Variants in CAPS2 observed in about 807,000 individuals in gnomAD.
CAPS2 encodes the protein calcyphosin-2.
A neutral mutation model predicts 86.5 loss-of-function variants in CAPS2; 98 were observed. The ratio of observed to expected loss-of-function variants is 1.13; its 90% CI spans 0.96 to 1.34. The LOEUF is 1.34. Ranked by LOEUF, CAPS2 falls within the 40% of genes most tolerant of loss-of-function variation. CAPS2 has a pLI of 0.00. For synonymous variants in CAPS2, 210 were observed against 225.1 expected (o/e 0.93, Z 0.60); for missense variants, 729 against 686.8 (o/e 1.06, Z -0.69).
chr12:75,309,633 T>C (rs571990736), intron 7 of CAPS2, among the ~76,000 whole-genome samples: 1 of 152,352 alleles, frequency 6.6e-6, no homozygotes, highest in South Asian at 2.1e-4. Flanking sequence ...AATTCAAAGA[T>C]AGAAGAACTT....
chr12:75,375,161 G>A (rs2139752827), intron 1 of CAPS2, among the ~76,000 whole-genome samples: 1 of 152,290 alleles, frequency 6.6e-6, no homozygotes, highest in South Asian at 2.1e-4. Flanking sequence ...GAGCCAATGT[G>A]GGGATTCTGC....
intron 1 of CAPS2, among the ~76,000 whole-genome samples, chr12:75,361,937 GA>G (rs1474264340): frequency 4.3e-4 from 65 of 152,192 alleles, no homozygotes; most frequent in African/African-American, 1.5e-3. Flanking sequence ...AACTTTAGAA[GA>G]AAAGATGAAC....
chr12:75,303,981 A>T (rs1048025228), intron 8 of CAPS2, among the ~76,000 whole-genome samples: 1 of 152,140 alleles, frequency 6.6e-6, no homozygotes, highest in Non-Finnish European at 1.5e-5. Flanking sequence ...CTTCACCCCC[A>T]CTAAAACCTC....
chr12:75,301,614 T>A (rs1245125992), intron 8 of CAPS2, among the ~76,000 whole-genome samples: 1 of 152,210 alleles, frequency 6.6e-6, no homozygotes, highest in Non-Finnish European at 1.5e-5. Flanking sequence ...TTCAAATAAA[T>A]TTTACAGAAA....
At chr12:75,347,717 AC>A (rs1565970694) in intron 1 of CAPS2, 2 of 1,585,154 alleles carry the variant, frequency 1.3e-6, no homozygotes, top group African/African-American at 2.7e-5. Context: ...GCAACTACGG[AC>A]CTGCGTGAGT....
intron 1 of CAPS2, among the ~76,000 whole-genome samples, chr12:75,351,153 A>G (rs1435829759): frequency 6.6e-6 from 1 of 152,208 alleles, no homozygotes; most frequent in East Asian, 1.9e-4. Flanking sequence ...TAGAGAAAAA[A>G]GGAACAAACA....
chr12:75,322,424 G>T (rs1379727225), intron 4 of CAPS2, among the ~76,000 whole-genome samples: 1 of 152,120 alleles, frequency 6.6e-6, no homozygotes, highest in Non-Finnish European at 1.5e-5. Flanking sequence ...CACAGGAGAA[G>T]GATGAAGCAA....
At chr12:75,331,269 A>G (rs1304636112), upstream of CAPS2, among the ~76,000 whole-genome samples, 3 of 152,212 alleles carry the variant, frequency 2.0e-5, no homozygotes, top group African/African-American at 7.2e-5. Context: ...AAGTTAATCC[A>G]GTTCTTTCAT....
intron 8 of CAPS2, among the ~76,000 whole-genome samples, chr12:75,300,406 A>G (rs1457423741): frequency 6.6e-6 from 1 of 151,936 alleles, no homozygotes; most frequent in Non-Finnish European, 1.5e-5. Flanking sequence ...ATTACAAAAA[A>G]TTAGCCGGGC....
intron 14 of CAPS2, among the ~76,000 whole-genome samples, chr12:75,286,487 C>A (rs189366257): frequency 1.3e-5 from 2 of 151,464 alleles, no homozygotes; most frequent in Non-Finnish European, 1.5e-5. Context: ...TTGTCAACAA[C>A]AAGAAATACA....
At chr12:75,284,013 T>C (rs944902583) in intron 15 of CAPS2, among the ~76,000 whole-genome samples, 2 of 152,174 alleles carry the variant, frequency 1.3e-5, no homozygotes, top group African/African-American at 4.8e-5. Flanking sequence ...TCATCTAGTC[T>C]GTGGTATTTT....
chr12:75,312,195 G>T (rs1470172153), intron 7 of CAPS2, among the ~76,000 whole-genome samples: 1 of 152,110 alleles, frequency 6.6e-6, no homozygotes, highest in Non-Finnish European at 1.5e-5. Context: ...TTCTTGAACT[G>T]CACCAAGGAA....
intron 1 of CAPS2, among the ~76,000 whole-genome samples, chr12:75,378,580 T>G (rs2044785555): frequency 6.6e-6 from 1 of 152,174 alleles, no homozygotes; most frequent in South Asian, 2.1e-4. Flanking sequence ...GTCCAAATGT[T>G]GAAAACTCAG....
intron 1 of CAPS2, among the ~76,000 whole-genome samples, chr12:75,348,104 T>C (rs766139271): frequency 2.6e-4 from 40 of 152,122 alleles, no homozygotes; most frequent in Non-Finnish European, 4.7e-4. Context: ...TAAAAGAACA[T>C]ACTTTTAAGA....
At chr12:75,312,419 C>T (rs978267103) in intron 7 of CAPS2, among the ~76,000 whole-genome samples, 1 of 152,034 alleles carries the variant, frequency 6.6e-6, no homozygotes, top group African/African-American at 2.4e-5. Flanking sequence ...TGATAAAAAG[C>T]AAATATCAGG....
chr12:75,368,640 G>A (rs1485776579), intron 1 of CAPS2, among the ~76,000 whole-genome samples: 1 of 151,686 alleles, frequency 6.6e-6, no homozygotes, highest in African/African-American at 2.4e-5. Flanking sequence ...ATTGTGCTTG[G>A]CCATATAATT....
intron 1 of CAPS2, among the ~76,000 whole-genome samples, chr12:75,351,354 T>C (rs2042796875): frequency 6.6e-6 from 1 of 152,000 alleles, no homozygotes; most frequent in Non-Finnish European, 1.5e-5. Context: ...AGATACTCCA[T>C]GAGAAGATCA....
chr12:75,307,346 ATT>A (rs1377323407), intron 7 of CAPS2, among the ~76,000 whole-genome samples: 11 of 152,312 alleles, frequency 7.2e-5, no homozygotes, highest in African/African-American at 2.6e-4. Flanking sequence ...TTTACTGCAT[ATT>A]TTACTGAATA....
rs1166830428 is a variant in CAPS2 at position 75,306,184 on chromosome 12, G to A, written c.660-1308C>T. 1.6e-5 allele frequency: 13 copies of A among 806,958 alleles called. No homozygotes were observed. In the Admixed American group the frequency reaches 2.0e-4, roughly 12 times the overall value. The allele number at this position is 806,958 out of a possible 1,614,324, so 50.0% of individuals were successfully genotyped here. On this transcript the variant is annotated intron_variant, in intron 7 of 16. Transcript: ENST00000393284. ...GCAGAATTACCTGAAGTACCGGCCC[G>A]GCCCCTACGTGGAGCAGCTGGTGTT...
Sources: allele counts gnomAD v4.1 joint callset (sites outside exome capture counted in the v4.1 genomes callset), GRCh38; gene constraint gnomAD v4.1.1; transcripts MANE v1.5; gene names NCBI Gene and HGNC (gene_info 2026-07-23, HGNC 2026-07-21).